The following NRXN3 variants were observed in gnomAD, a reference collection of about 807,000 sequenced individuals.
The protein encoded by NRXN3 is neurexin III.
In NRXN3, 32 loss-of-function variants were observed where a neutral mutation model predicts 137.6. The ratio of observed to expected loss-of-function variants is 0.23; its 90% CI spans 0.18 to 0.31. The LOEUF is 0.31. Ranked by LOEUF, NRXN3 falls within the 10% of genes least tolerant of loss-of-function variation. NRXN3 has a pLI of 1.00. For missense variants in NRXN3, 1,574 were observed against 2,062.5 expected (o/e 0.76, Z 4.59); for synonymous variants, 798 against 784.5 (o/e 1.02, Z -0.29).
chr14:78,589,742 C>T (rs1357587073), intron 4 of NRXN3, among the ~76,000 whole-genome samples: 2 of 152,246 alleles, frequency 1.3e-5, no homozygotes, highest in East Asian at 3.9e-4. Context: ...GGTGTGTCTT[C>T]CCCACCTAGA....
chr14:79,453,802 C>T (rs2096214727), intron 15 of NRXN3, among the ~76,000 whole-genome samples: 1 of 152,026 alleles, frequency 6.6e-6, no homozygotes, highest in African/African-American at 2.4e-5. Context: ...TTTTTTACTC[C>T]CCAAATATCA....
chr14:79,846,058 C>G (rs900373747), intron 20 of NRXN3, among the ~76,000 whole-genome samples: 3 of 151,956 alleles, frequency 2.0e-5, no homozygotes, highest in Non-Finnish European at 1.5e-5. Context: ...ATAATAGTAA[C>G]ATCAAAGATC....
At chr14:78,241,205 C>T (rs1052444321) in intron 1 of NRXN3, among the ~76,000 whole-genome samples, 1 of 152,180 alleles carries the variant, frequency 6.6e-6, no homozygotes, top group South Asian at 2.1e-4. Flanking sequence ...TTTGTTTTTA[C>T]ACATTGCTCA....
chr14:79,579,246 C>G (rs1602387917), intron 16 of NRXN3, among the ~76,000 whole-genome samples: 1 of 150,738 alleles, frequency 6.6e-6, no homozygotes, highest in East Asian at 2.0e-4. Flanking sequence ...TTGAATAACT[C>G]AAGTTTTCTT....
chr14:79,191,787 T>C (rs2064372155), intron 15 of NRXN3, among the ~76,000 whole-genome samples: 1 of 152,166 alleles, frequency 6.6e-6, no homozygotes, highest in South Asian at 2.1e-4. Flanking sequence ...ACTGCTGATT[T>C]GTTCATATTT....
At chr14:79,138,903 C>A (rs1157153375) in intron 15 of NRXN3, among the ~76,000 whole-genome samples, 1 of 152,040 alleles carries the variant, frequency 6.6e-6, no homozygotes, top group Non-Finnish European at 1.5e-5. Flanking sequence ...GAGTTGCTCC[C>A]AAAGCAGAAG....
At chr14:78,911,702 C>T (rs946188882) in intron 10 of NRXN3, among the ~76,000 whole-genome samples, 5 of 152,144 alleles carry the variant, frequency 3.3e-5, no homozygotes, top group African/African-American at 1.2e-4. Flanking sequence ...CCTTGCTTCC[C>T]AGAGTGTTTA....
At chr14:78,971,575 A>G (rs2099440763) in intron 14 of NRXN3, among the ~76,000 whole-genome samples, 1 of 152,134 alleles carries the variant, frequency 6.6e-6, no homozygotes, top group African/African-American at 2.4e-5. Context: ...TATCAGACCC[A>G]TGACAGCAGG....
chr14:78,858,250 G>C (rs1032196591), intron 10 of NRXN3, among the ~76,000 whole-genome samples: 1 of 152,114 alleles, frequency 6.6e-6, no homozygotes, highest in Non-Finnish European at 1.5e-5. Flanking sequence ...CTTGACTGCA[G>C]CCCTGACACC....
At chr14:79,248,676 A>G (rs2075540142) in intron 15 of NRXN3, 1 of 152,212 alleles carries the variant, frequency 6.6e-6, no homozygotes, top group South Asian at 2.1e-4. Flanking sequence ...TGAGTCGCCA[A>G]TGCCTTATAC....
intron 15 of NRXN3, among the ~76,000 whole-genome samples, chr14:79,033,024 C>T (rs1385757617): frequency 6.6e-6 from 1 of 152,034 alleles, no homozygotes; most frequent in Non-Finnish European, 1.5e-5. Context: ...GACACTCATC[C>T]CTTCGCACTG....
chr14:79,175,499 C>A (rs112322347), intron 15 of NRXN3, among the ~76,000 whole-genome samples: 155 of 152,288 alleles, frequency 1.0e-3, no homozygotes, highest in African/African-American at 3.5e-3. Flanking sequence ...TGTTTTATAT[C>A]AATATGACTG....
At chr14:79,712,319 C>T (rs1443831359) in intron 19 of NRXN3, among the ~76,000 whole-genome samples, 3 of 152,160 alleles carry the variant, frequency 2.0e-5, no homozygotes, top group Non-Finnish European at 2.9e-5. Context: ...CTCTCCCTGC[C>T]CTACAACCCA....
intron 16 of NRXN3, among the ~76,000 whole-genome samples, chr14:79,608,869 G>T (rs1014006238): frequency 6.5e-4 from 98 of 151,450 alleles, no homozygotes; most frequent in African/African-American, 2.3e-3. Context: ...GTTTATTGAC[G>T]AGCCATTTCC....
chr14:79,143,768 AT>A (rs752510518), intron 15 of NRXN3, among the ~76,000 whole-genome samples: 1 of 152,234 alleles, frequency 6.6e-6, no homozygotes, highest in African/African-American at 2.4e-5. Flanking sequence ...AAAAAGTAAT[AT>A]TTTTTCTCCC....
intron 3 of NRXN3, among the ~76,000 whole-genome samples, chr14:78,280,350 CA>C (rs1313380941): frequency 4.6e-5 from 7 of 152,150 alleles, no homozygotes; most frequent in Non-Finnish European, 1.0e-4. Context: ...TGTATAGTAT[CA>C]GGGGGTGGAT....
In NRXN3 at chr14:78,934,556, T is replaced by C. The variant is rs148011729; in HGVS notation, c.2276-22686T>C. 3.9e-3 allele frequency among the ~76,000 whole-genome samples: 601 copies of C among 152,266 alleles called. 4 individuals carry two copies. The highest frequency in any genetic ancestry group is 0.014 in the African/African-American group (570 of 41,552). On this transcript the variant is annotated intron_variant, in intron 10 of 20. Coordinates refer to ENST00000335750, the MANE Select transcript of NRXN3 (RefSeq NM_001330195.2). ...CAGCTCCAACTCTCCTACCGATGCC[T>C]TTACTCCAGGTGCCTCAGCCAGTAG...
intron 16 of NRXN3, among the ~76,000 whole-genome samples, chr14:79,471,095 A>G (rs570657259): frequency 3.0e-4 from 45 of 152,062 alleles, no homozygotes; most frequent in African/African-American, 1.1e-3. Context: ...CAACATCAAC[A>G]TTGTCGTTGG....
intron 15 of NRXN3, among the ~76,000 whole-genome samples, chr14:79,447,163 A>G (rs886617497): frequency 1.3e-5 from 2 of 152,202 alleles, no homozygotes; most frequent in Admixed American, 6.5e-5. Context: ...ATATTGAGGG[A>G]CCAATTTTAA....
Sources: allele counts gnomAD v4.1 joint callset (sites outside exome capture counted in the v4.1 genomes callset), GRCh38; gene constraint gnomAD v4.1.1; transcripts MANE v1.5; gene names NCBI Gene and HGNC (gene_info 2026-07-23, HGNC 2026-07-21).